The following DENND5B variants were observed in gnomAD, a reference collection of about 807,000 sequenced individuals.
DENND5B encodes the protein DENN domain-containing protein 5B.
In DENND5B, 34 loss-of-function variants were observed where a neutral mutation model predicts 140.6. The ratio of observed to expected loss-of-function variants is 0.24; its 90% confidence interval spans 0.18 to 0.32. The LOEUF is 0.32. Among genes scored for constraint, DENND5B ranks in the 10% least tolerant of loss-of-function variants. DENND5B has a pLI of 1.00. For synonymous variants in DENND5B, 551 were observed against 562.1 expected, an observed-to-expected ratio of 0.98 and a Z score of 0.28; for missense variants, 1,142 against 1,560.2, an observed-to-expected ratio of 0.73 and a Z score of 4.52.
At chr12:31,495,268 G>C (rs1186180920) in intron 2 of DENND5B, among the ~76,000 whole-genome samples, 1 of 152,022 alleles carries the variant, frequency 6.6e-6, no homozygotes, top group Non-Finnish European at 1.5e-5. Context: ...AACTAAAATG[G>C]GCTTTTAGGA....
intron 1 of DENND5B, among the ~76,000 whole-genome samples, chr12:31,549,803 G>A (rs1948980408): frequency 6.6e-6 from 1 of 152,036 alleles, no homozygotes; most frequent in African/African-American, 2.4e-5. Context: ...GCAGTGTTTG[G>A]TTTTCTGCTC....
At chr12:31,580,892 G>A (rs1846087469) in intron 1 of DENND5B, among the ~76,000 whole-genome samples, 2 of 152,130 alleles carry the variant, frequency 1.3e-5, no homozygotes, top group Admixed American at 1.3e-4. Context: ...GATCCCTTGA[G>A]CCCAGGAGTT....
chr12:31,417,242 A>G (rs1020351363), intron 11 of DENND5B, among the ~76,000 whole-genome samples: 2 of 150,016 alleles, frequency 1.3e-5, no homozygotes, highest in African/African-American at 4.9e-5. Context: ...CTGTAGTCCC[A>G]GCTACTCGGG....
At chr12:31,505,110 T>C (rs538194107) in intron 1 of DENND5B, among the ~76,000 whole-genome samples, 1 of 152,320 alleles carries the variant, frequency 6.6e-6, no homozygotes, top group African/African-American at 2.4e-5. Flanking sequence ...TTTATTTGTG[T>C]TCGTTTTGAC....
chr12:31,553,786 C>T (rs1462229645), intron 1 of DENND5B, among the ~76,000 whole-genome samples: 1 of 152,208 alleles, frequency 6.6e-6, no homozygotes, highest in Non-Finnish European at 1.5e-5. Context: ...GTTAACTCTT[C>T]TTGTTGAATT....
intron 1 of DENND5B, among the ~76,000 whole-genome samples, chr12:31,580,220 T>G (rs1950170702): frequency 6.6e-6 from 1 of 152,014 alleles, no homozygotes; most frequent in South Asian, 2.1e-4. Context: ...ATAAGACATG[T>G]TTGCTTAAAA....
At position 31,517,336 on chromosome 12, in the gene DENND5B, T is replaced by C. The variant is rs143624177; in HGVS notation, c.128-21417A>G. ...TTTTCTGTGAGAATGTCCTCTATCC[T>C]GCGCTTAAAGCGGACTATGAGTAGT... On this transcript the variant is annotated intron_variant, in intron 1 of 20. Coordinates refer to ENST00000389082, the MANE Select transcript of DENND5B (RefSeq NM_144973.4). Among the ~76,000 whole-genome samples the C allele has an allele frequency of 1.7e-3, 258 of 152,356 alleles. 3 individuals carry two copies. The highest frequency in any genetic ancestry group is 6.0e-3 in the African/African-American group (248 of 41,590).
At chr12:31,476,946 C>T (rs1313256019) in intron 3 of DENND5B, among the ~76,000 whole-genome samples, 5 of 151,870 alleles carry the variant, frequency 3.3e-5, no homozygotes, top group Non-Finnish European at 5.9e-5. Context: ...TTCTTTTTTT[C>T]GGCCAGGCAC....
intron 4 of DENND5B, among the ~76,000 whole-genome samples, chr12:31,458,873 T>C (rs1036314256): frequency 6.6e-6 from 1 of 152,176 alleles, no homozygotes; most frequent in African/African-American, 2.4e-5. Context: ...TTATCCATAT[T>C]TCATTTCAAA....
chr12:31,587,700 C>T (rs1950447074), intron 1 of DENND5B, among the ~76,000 whole-genome samples: 1 of 152,038 alleles, frequency 6.6e-6, no homozygotes, highest in Non-Finnish European at 1.5e-5. Flanking sequence ...CAGGCATGTG[C>T]CACCACGCCC....
intron 3 of DENND5B, among the ~76,000 whole-genome samples, chr12:31,466,853 G>A (rs960977681): frequency 6.6e-6 from 1 of 152,076 alleles, no homozygotes; most frequent in Admixed American, 6.6e-5. Flanking sequence ...TGAACCACAA[G>A]CAGAACAAAT....
At chr12:31,394,771 G>T (rs987556835) in intron 17 of DENND5B, among the ~76,000 whole-genome samples, 2 of 152,026 alleles carry the variant, frequency 1.3e-5, no homozygotes, top group Admixed American at 6.6e-5. Flanking sequence ...CTGCCACCAT[G>T]CCCGGCTAAT....
chr12:31,429,024 C>A (rs1253959045), intron 8 of DENND5B, among the ~76,000 whole-genome samples: 1 of 151,912 alleles, frequency 6.6e-6, no homozygotes, highest in African/African-American at 2.4e-5. Flanking sequence ...AGCCACTGCA[C>A]CCGGCCACGC....
chr12:31,466,773 T>A (rs1945286393), intron 3 of DENND5B, among the ~76,000 whole-genome samples: 2 of 152,126 alleles, frequency 1.3e-5, no homozygotes. Flanking sequence ...GAATGCAATA[T>A]TTACAAAGAT....
chr12:31,456,329 C>CAA (rs56369582), intron 4 of DENND5B, among the ~76,000 whole-genome samples: 8,318 of 121,488 alleles, frequency 0.068, 568 homozygotes, highest in African/African-American at 0.19. Context: ...GACTCCGTCT[C>CAA]AAAAAAAAAA....
intron 1 of DENND5B, among the ~76,000 whole-genome samples, chr12:31,519,230 G>A (rs1397648470): frequency 6.6e-6 from 1 of 152,208 alleles, no homozygotes; most frequent in Non-Finnish European, 1.5e-5. Context: ...AAATGGTAAA[G>A]AAATTAGATT....
intron 5 of DENND5B, among the ~76,000 whole-genome samples, chr12:31,449,440 G>A (rs1054616033): frequency 6.6e-6 from 1 of 152,028 alleles, no homozygotes; most frequent in African/African-American, 2.4e-5. Flanking sequence ...TAAAAAAAGT[G>A]GGCCAAAGAT....
chr12:31,426,524 A>C, intron 8 of DENND5B, 100 bp from the exon 9 acceptor site: 1 of 1,356,860 alleles, frequency 7.4e-7, no homozygotes, highest in East Asian at 2.5e-5. Flanking sequence ...AAATGCAAAA[A>C]AGTCCGTAAG....
chr12:31,538,943 T>G (rs1948594818), intron 1 of DENND5B, among the ~76,000 whole-genome samples: 1 of 145,586 alleles, frequency 6.9e-6, no homozygotes, highest in South Asian at 2.2e-4. Context: ...ATACAAAACT[T>G]CAATGAAACA....
Sources: allele counts gnomAD v4.1 joint callset (sites outside exome capture counted in the v4.1 genomes callset), GRCh38; gene constraint gnomAD v4.1.1; transcripts MANE v1.5; gene names NCBI Gene and HGNC (gene_info 2026-07-23, HGNC 2026-07-21).